Variants in FSTL4 observed in about 807,000 individuals in gnomAD.
The protein encoded by FSTL4 is follistatin-related protein 4.
Under a neutral mutation model 78.2 loss-of-function variants are expected in FSTL4, and 28 were observed. That is an observed-to-expected ratio of 0.36 (90% CI 0.27 to 0.49). FSTL4 has a LOEUF of 0.49. Ranked by LOEUF, FSTL4 falls within the 20% of genes least tolerant of loss-of-function variation. The probability of loss-of-function intolerance (pLI) is 0.98; values close to 1 mark genes in which losing one functional copy is unlikely to be tolerated. For missense variants in FSTL4, 922 were observed against 1,084.9 expected (o/e 0.85, Z 2.11); for synonymous variants, 422 against 440.5 (o/e 0.96, Z 0.53).
rs1757170643 is a variant in FSTL4 at position 133,442,074 on chromosome 5, T to A, written c.161-41088A>T. ...GTCAATAAATTCTCAGACATGCAGG[T>A]CAGAGGCAGGGCCACACAGCATCCT... is the stretch of plus-strand genomic sequence containing the variant. On this transcript the variant is annotated intron_variant, in intron 3 of 15. Coordinates refer to ENST00000265342, the MANE Select transcript of FSTL4 (RefSeq NM_015082.2). Among the ~76,000 whole-genome samples, 3 of 152,156 alleles carry A rather than the reference T, an allele frequency of 2.0e-5. No individual in the cohort carries two copies. In the South Asian group the frequency reaches 6.2e-4, roughly 32 times the overall value.
intron 6 of FSTL4, among the ~76,000 whole-genome samples, chr5:133,304,972 A>G (rs1753623950): frequency 6.6e-6 from 1 of 152,260 alleles, no homozygotes; most frequent in Admixed American, 6.5e-5. Flanking sequence ...CAGCAGGGGC[A>G]GGTGGAGGCA....
At chr5:133,331,926 G>A (rs1339945660) in intron 4 of FSTL4, among the ~76,000 whole-genome samples, 1 of 152,234 alleles carries the variant, frequency 6.6e-6, no homozygotes, top group East Asian at 1.9e-4. Context: ...GCAGCCCGTG[G>A]AGGGAGCTGC....
At chr5:133,333,739 T>A (rs1754401206) in intron 4 of FSTL4, among the ~76,000 whole-genome samples, 1 of 152,218 alleles carries the variant, frequency 6.6e-6, no homozygotes, top group African/African-American at 2.4e-5. Context: ...CGAGGGCATC[T>A]CCACGTCAGG....
rs537631825 is a variant in FSTL4 at position 133,598,223 on chromosome 5, G to A, written c.126+5635C>T. Among the ~76,000 whole-genome samples, 8 of 152,210 alleles carry A rather than the reference G, an allele frequency of 5.3e-5. No individual in the cohort carries two copies. In the East Asian group the frequency reaches 1.6e-3, roughly 29 times the overall value. The stretch of plus-strand genomic sequence containing the variant: ...TCCAACTGGGATTCTCCTTGTGTGT[G>A]TGCATGCGAGGAGGCAGGGGGCTCC... On this transcript the variant is annotated intron_variant, in intron 2 of 15. Coordinates refer to ENST00000265342, the MANE Select transcript of FSTL4 (RefSeq NM_015082.2).
intron 3 of FSTL4, among the ~76,000 whole-genome samples, chr5:133,565,923 C>T (rs763010030): frequency 5.9e-5 from 9 of 152,204 alleles, no homozygotes; most frequent in Non-Finnish European, 1.3e-4. Flanking sequence ...CTCCTTATGG[C>T]TATTTCTTTC....
intron 3 of FSTL4, among the ~76,000 whole-genome samples, chr5:133,539,723 TC>T (rs1759429003): frequency 6.6e-6 from 1 of 152,188 alleles, no homozygotes; most frequent in South Asian, 2.1e-4. Context: ...TAAGTAGTTT[TC>T]TCAGCCTGCT....
At chr5:133,657,611 T>G in the FSTL4 span, among the ~76,000 whole-genome samples, 1 of 152,230 alleles carries the variant, frequency 6.6e-6, no homozygotes, top group African/African-American at 2.4e-5. Context: ...TATGTATTAA[T>G]GTTACTAGAT....
At chr5:133,734,284 G>A in the FSTL4 span, among the ~76,000 whole-genome samples, 2 of 152,140 alleles carry the variant, frequency 1.3e-5, no homozygotes, top group African/African-American at 4.8e-5. Context: ...CCTGCAGTCA[G>A]GGAAATTATA....
At chr5:133,204,653 G>A (rs1750434640) in intron 14 of FSTL4, among the ~76,000 whole-genome samples, 1 of 151,950 alleles carries the variant, frequency 6.6e-6, no homozygotes, top group African/African-American at 2.4e-5. Flanking sequence ...CCAACATGGT[G>A]AAACCCCATC....
At chr5:133,606,118 C>G (rs562503307) in intron 1 of FSTL4, among the ~76,000 whole-genome samples, 2 of 152,206 alleles carry the variant, frequency 1.3e-5, no homozygotes, top group South Asian at 4.2e-4. Context: ...CTAACTGCAA[C>G]CTGTTTTTAT....
chr5:133,714,210 A>C, the FSTL4 span, among the ~76,000 whole-genome samples: 3 of 152,192 alleles, frequency 2.0e-5, no homozygotes, highest in Non-Finnish European at 4.4e-5. Context: ...GAAAAAAATA[A>C]AATACCAGAT....
intron 14 of FSTL4, 139 bp downstream of exon 14, chr5:133,210,052 A>G: frequency 1.7e-6 from 1 of 575,998 alleles, no homozygotes; most frequent in South Asian, 2.2e-5. Flanking sequence ...GCTGTTTCCT[A>G]CTCTCTCCTT....
At chr5:133,316,734 C>A (rs1753914834) in intron 4 of FSTL4, 82 bp from the exon 5 acceptor site, 1 of 1,201,156 alleles carries the variant, frequency 8.3e-7, no homozygotes. Context: ...CCATTCATCT[C>A]ACTCACAAAT....
intron 7 of FSTL4, among the ~76,000 whole-genome samples, chr5:133,246,299 T>G (rs1752037216): frequency 6.6e-6 from 1 of 152,200 alleles, no homozygotes; most frequent in Non-Finnish European, 1.5e-5. Context: ...TGCATCAGTG[T>G]TGCACTCCTG....
At chr5:133,544,270 GA>G (rs1169197663) in intron 3 of FSTL4, among the ~76,000 whole-genome samples, 4 of 151,754 alleles carry the variant, frequency 2.6e-5, no homozygotes, top group African/African-American at 9.7e-5. Context: ...CTTCCTGTTG[GA>G]AAACATCCAT....
At chr5:133,386,602 A>G (rs1223005230) in intron 4 of FSTL4, among the ~76,000 whole-genome samples, 3 of 152,144 alleles carry the variant, frequency 2.0e-5, no homozygotes, top group Non-Finnish European at 4.4e-5. Flanking sequence ...TTTAATATGG[A>G]AAGTTTGTTC....
the FSTL4 span, among the ~76,000 whole-genome samples, chr5:133,828,666 G>A: frequency 1.1e-4 from 17 of 152,306 alleles, no homozygotes; most frequent in South Asian, 1.5e-3. Context: ...GGGGGACACC[G>A]GACTGCTGGT....
intron 8 of FSTL4, among the ~76,000 whole-genome samples, chr5:133,226,310 C>T (rs1159944510): frequency 6.6e-6 from 1 of 152,198 alleles, no homozygotes; most frequent in East Asian, 1.9e-4. Flanking sequence ...CTCATTTCTC[C>T]ACTTCTCAAC....
the FSTL4 span, among the ~76,000 whole-genome samples, chr5:133,728,582 C>T: frequency 8.4e-4 from 128 of 152,292 alleles, no homozygotes; most frequent in Middle Eastern, 6.8e-3. Flanking sequence ...GGATATGATT[C>T]CTAGATTCCT....
Sources: allele counts gnomAD v4.1 joint callset (sites outside exome capture counted in the v4.1 genomes callset), GRCh38; gene constraint gnomAD v4.1.1; transcripts MANE v1.5; gene names NCBI Gene and HGNC (gene_info 2026-07-23, HGNC 2026-07-21).